The following PTCHD4 variants were observed in gnomAD, a reference collection of about 807,000 sequenced individuals.
PTCHD4 encodes the protein patched domain-containing protein 4.
PTCHD4 carries 33 observed loss-of-function variants against 58.1 expected under a neutral mutation model. The ratio of observed to expected loss-of-function variants is 0.57; its 90% CI spans 0.43 to 0.76. The LOEUF (loss-of-function observed/expected upper bound fraction) is 0.76. PTCHD4 is among the 30% of genes least tolerant of loss of function. PTCHD4 has a pLI of 0.00. For synonymous variants in PTCHD4, 478 were observed against 409.6 expected, an observed-to-expected ratio of 1.17 and a Z score of -2.02; for missense variants, 1,058 against 1,027.1, an observed-to-expected ratio of 1.03 and a Z score of -0.41.
chr6:47,951,638 T>C (rs562525936), intron 4 of PTCHD4, among the ~76,000 whole-genome samples: 55 of 152,292 alleles, frequency 3.6e-4, no homozygotes, highest in African/African-American at 1.1e-3. Context: ...TATTTTTGTA[T>C]TTGTTTTGGT....
At chr6:47,971,538 G>T (rs1767510638) in intron 4 of PTCHD4, among the ~76,000 whole-genome samples, 1 of 152,152 alleles carries the variant, frequency 6.6e-6, no homozygotes, top group Non-Finnish European at 1.5e-5. Flanking sequence ...TACTATAGCA[G>T]CTAAACTGTG....
intron 3 of PTCHD4, among the ~76,000 whole-genome samples, chr6:48,059,214 A>G (rs1002303769): frequency 6.6e-6 from 1 of 152,226 alleles, no homozygotes; most frequent in African/African-American, 2.4e-5. Flanking sequence ...CCTACTGAAG[A>G]AGAATCTGCA....
intron 3 of PTCHD4, among the ~76,000 whole-genome samples, chr6:48,027,151 T>A (rs1320407177): frequency 6.6e-6 from 1 of 152,114 alleles, no homozygotes; most frequent in Non-Finnish European, 1.5e-5. Context: ...TTCTTCTACA[T>A]CCAGATAACA....
rs1014682694 is a variant in PTCHD4, at chr6:47,871,515, A to G, written c.*6788T>C. Among the ~76,000 whole-genome samples, 28 of 151,570 alleles carry G rather than the reference A, an allele frequency of 1.8e-4. No homozygotes were observed. The highest frequency in any genetic ancestry group is 6.3e-4 in the African/African-American group (26 of 41,384). ...TTTGAGCTCTGGGATATCTGTAGGGAGACAACTAACAACTGCCTTGAAAGA... is the reference window on the plus strand; with the variant it reads ...TTTGAGCTCTGGGATATCTGTAGGGGGACAACTAACAACTGCCTTGAAAGA... On this transcript the variant is annotated 3_prime_UTR_variant, in exon 5 of 5. Transcript: ENST00000339488.
chr6:47,917,020 TTATAA>T (rs1354083562), intron 4 of PTCHD4, among the ~76,000 whole-genome samples: 15 of 152,118 alleles, frequency 9.9e-5, no homozygotes, highest in South Asian at 6.2e-4. Flanking sequence ...TAAACTACAA[TTATAA>T]TATAAAGTAA....
At chr6:48,010,847 T>C (rs1050689265) in intron 3 of PTCHD4, among the ~76,000 whole-genome samples, 1 of 152,174 alleles carries the variant, frequency 6.6e-6, no homozygotes, top group Non-Finnish European at 1.5e-5. Flanking sequence ...TGTTTGGTTT[T>C]CTGTTCCTGT....
At chr6:48,019,696 A>G (rs1159763924) in intron 3 of PTCHD4, among the ~76,000 whole-genome samples, 3 of 151,264 alleles carry the variant, frequency 2.0e-5, no homozygotes, top group African/African-American at 7.3e-5. Context: ...AGATGGCACC[A>G]CTGCACTCCA....
chr6:48,066,455 GT>G (rs1764800884), intron 3 of PTCHD4, among the ~76,000 whole-genome samples: 1 of 152,132 alleles, frequency 6.6e-6, no homozygotes, highest in Non-Finnish European at 1.5e-5. Context: ...ACCAACTGAA[GT>G]TTATATATGA....
At chr6:47,893,992 G>C (rs1764456222) in intron 4 of PTCHD4, among the ~76,000 whole-genome samples, 1 of 152,172 alleles carries the variant, frequency 6.6e-6, no homozygotes, top group Non-Finnish European at 1.5e-5. Context: ...AGCTGAAAAA[G>C]AGCTTTCTCA....
chr6:48,022,248 T>A (rs747222607), intron 3 of PTCHD4, among the ~76,000 whole-genome samples: 1 of 151,628 alleles, frequency 6.6e-6, no homozygotes, highest in Non-Finnish European at 1.5e-5. Context: ...TCCTCTTTCC[T>A]CTCTCATCTC....
At position 48,008,776 on chromosome 6, in the gene PTCHD4, C is replaced by T. The variant is rs756956410; in HGVS notation, c.756G>A (p.Lys252=). ...LTTATLSSSM[K]DCLRSKPFLG... ...GGAAGGGCTTACTGCGCAAGCAGTC[C>T]TTCATGGAGCTGGAGAGGGTGGCTG... Residue 252 remains lysine, a synonymous_variant, in exon 4 of 5, where the codon AAG becomes AAA. Transcript: ENST00000339488. The T allele has an allele frequency of 5.0e-6, 8 of 1,613,812 alleles. No individual in the cohort carries two copies. The highest frequency in any genetic ancestry group is 3.3e-5 in the Admixed American group (2 of 59,956).
At chr6:48,013,448 G>C (rs189876808) in intron 3 of PTCHD4, among the ~76,000 whole-genome samples, 1 of 144,766 alleles carries the variant, frequency 6.9e-6, no homozygotes, top group East Asian at 2.1e-4. Flanking sequence ...TTTCCTTTTG[G>C]AATCAAATGG....
chr6:47,892,040 T>G (rs2114127370), intron 4 of PTCHD4, among the ~76,000 whole-genome samples: 1 of 152,302 alleles, frequency 6.6e-6, no homozygotes, highest in South Asian at 2.1e-4. Flanking sequence ...AGTTGTGTTA[T>G]CACTGAAAAG....
At chr6:47,890,046 T>A (rs1764327428) in intron 4 of PTCHD4, among the ~76,000 whole-genome samples, 1 of 149,060 alleles carries the variant, frequency 6.7e-6, no homozygotes, top group South Asian at 2.1e-4. Context: ...TATATATATA[T>A]GTGTGTGTGT....
intron 4 of PTCHD4, among the ~76,000 whole-genome samples, chr6:47,922,309 T>A (rs1765460411): frequency 6.6e-6 from 1 of 152,168 alleles, no homozygotes; most frequent in African/African-American, 2.4e-5. Context: ...CTTATTTTAT[T>A]AAATTCTACA....
intron 4 of PTCHD4, among the ~76,000 whole-genome samples, chr6:47,904,925 T>A (rs1764828010): frequency 1.3e-5 from 2 of 152,062 alleles, no homozygotes; most frequent in East Asian, 3.9e-4. Context: ...GAAATGCCAT[T>A]TGAGTTAAGA....
chr6:47,929,247 T>C (rs1329989294), intron 4 of PTCHD4, among the ~76,000 whole-genome samples: 8 of 152,208 alleles, frequency 5.3e-5, no homozygotes, highest in Non-Finnish European at 1.0e-4. Context: ...ATGAAAACGT[T>C]CATTTGAACT....
chr6:47,978,284 T>A (rs1245946750), intron 4 of PTCHD4, among the ~76,000 whole-genome samples: 1 of 152,154 alleles, frequency 6.6e-6, no homozygotes. Context: ...CTACTATTAC[T>A]GCTACTCACA....
intron 4 of PTCHD4, among the ~76,000 whole-genome samples, chr6:47,896,342 G>C (rs1309346232): frequency 6.6e-6 from 1 of 152,198 alleles, no homozygotes; most frequent in African/African-American, 2.4e-5. Context: ...TTATGAGGCA[G>C]AGTATCCTAA....
Sources: gnomAD v4.1 joint callset for allele counts (sites outside exome capture counted in the v4.1 genomes callset) on GRCh38, gnomAD v4.1.1 for gene constraint, MANE v1.5 for transcripts, NCBI Gene and HGNC (gene_info 2026-07-23, HGNC 2026-07-21) for gene names.